Variants in INPP4B observed in about 807,000 individuals in gnomAD.
The protein encoded by INPP4B is inositol polyphosphate 4-phosphatase type II.
INPP4B carries 55 observed loss-of-function variants against 122.5 expected under a neutral mutation model. The observed-to-expected ratio is 0.45, with a 90% confidence interval of 0.36 to 0.56. The LOEUF (loss-of-function observed/expected upper bound fraction) is 0.56, where lower values mean the gene tolerates loss of function less well. Ranked by LOEUF, INPP4B falls within the 20% of genes least tolerant of loss-of-function variation. INPP4B has a pLI of 0.00. For missense variants in INPP4B, 1,000 were observed against 1,097.7 expected (o/e 0.91, Z 1.26); for synonymous variants, 403 against 388.7 (o/e 1.04, Z -0.43).
intron 2 of INPP4B, among the ~76,000 whole-genome samples, chr4:142,670,072 GC>G (rs1215281469): frequency 6.6e-6 from 1 of 152,152 alleles, no homozygotes; most frequent in Non-Finnish European, 1.5e-5. Flanking sequence ...GAAATCGCAT[GC>G]TTTGTATACA....
intron 2 of INPP4B, among the ~76,000 whole-genome samples, chr4:142,644,021 C>T (rs1016168171): frequency 7.2e-5 from 11 of 151,768 alleles, no homozygotes; most frequent in African/African-American, 1.2e-4. Context: ...GGCAACATTG[C>T]GTGATCCCAT....
chr4:142,178,334 C>G (rs555110071), intron 15 of INPP4B, among the ~76,000 whole-genome samples: 1 of 152,352 alleles, frequency 6.6e-6, no homozygotes, highest in South Asian at 2.1e-4. Flanking sequence ...ATTGTAATAG[C>G]TCACAAACTG....
At chr4:142,676,880 T>TA (rs201433611) in intron 2 of INPP4B, among the ~76,000 whole-genome samples, 11,537 of 151,838 alleles carry the variant, frequency 0.076, 478 homozygotes, top group South Asian at 0.11. Context: ...CCTAAAACCA[T>TA]AAAAAACCCT....
chr4:142,626,224 T>A (rs541217631), intron 2 of INPP4B, among the ~76,000 whole-genome samples: 1 of 152,166 alleles, frequency 6.6e-6, no homozygotes, highest in East Asian at 1.9e-4. Flanking sequence ...CTTTTGAACA[T>A]GAGCAGAACT....
In INPP4B at chr4:142,124,825, C is replaced by A. The variant is rs946160795; in HGVS notation, c.1721-65G>T. 10 of 1,156,688 alleles carry A rather than the reference C, an allele frequency of 8.6e-6. No individual in the cohort carries two copies. In the African/African-American group the frequency reaches 1.6e-4, roughly 18 times the overall value. The allele number at this position is 1,156,688 out of a possible 1,614,324, so 71.7% of individuals were successfully genotyped here. A position where few individuals can be genotyped will look rare whatever the true frequency, so the allele number is the denominator to read the frequency against. ...GAAGGTCTTGGAATATAATGCAGAA[C>A]CAACTTCCAACTTATTTTTAATTTT... On this transcript the variant is annotated intron_variant, in intron 18 of 25. Coordinates refer to ENST00000262992, the MANE Select transcript of INPP4B (RefSeq NM_001101669.3).
intron 2 of INPP4B, among the ~76,000 whole-genome samples, chr4:142,548,971 G>C (rs1206940980): frequency 6.6e-6 from 1 of 151,662 alleles, no homozygotes; most frequent in East Asian, 1.9e-4. Flanking sequence ...AAATGGGTAC[G>C]CTCTATTGCC....
At chr4:142,573,736 A>G (rs368875647) in intron 2 of INPP4B, among the ~76,000 whole-genome samples, 1 of 152,246 alleles carries the variant, frequency 6.6e-6, no homozygotes, top group East Asian at 1.9e-4. Flanking sequence ...GACCAAGTTT[A>G]GCTTAAGCAC....
At chr4:142,118,329 T>C (rs1794786084) in intron 21 of INPP4B, among the ~76,000 whole-genome samples, 1 of 151,860 alleles carries the variant, frequency 6.6e-6, no homozygotes, top group Non-Finnish European at 1.5e-5. Flanking sequence ...AGAGCACGCA[T>C]TGCCAAGACA....
chr4:142,066,324 T>C (rs1214092130), intron 25 of INPP4B, among the ~76,000 whole-genome samples: 1 of 152,198 alleles, frequency 6.6e-6, no homozygotes, highest in East Asian at 1.9e-4. Flanking sequence ...GTCTGGTAAG[T>C]ACATGTGAAT....
chr4:142,364,598 A>G (rs1447926537), intron 7 of INPP4B, among the ~76,000 whole-genome samples: 3 of 152,106 alleles, frequency 2.0e-5, no homozygotes, highest in Non-Finnish European at 2.9e-5. Flanking sequence ...TCAGTATTGC[A>G]ACTTGTACTT....
At chr4:142,478,194 T>C (rs576997639) in intron 2 of INPP4B, among the ~76,000 whole-genome samples, 21 of 152,190 alleles carry the variant, frequency 1.4e-4, no homozygotes, top group African/African-American at 5.1e-4. Context: ...ACTGAAGTTT[T>C]TTCGGTATAG....
At chr4:142,633,395 A>G (rs1358362674) in intron 2 of INPP4B, among the ~76,000 whole-genome samples, 1 of 152,188 alleles carries the variant, frequency 6.6e-6, no homozygotes, top group Non-Finnish European at 1.5e-5. Context: ...AATACCATTA[A>G]CTGAAAAATA....
chr4:142,313,476 C>A (rs1766325980), intron 8 of INPP4B, among the ~76,000 whole-genome samples: 1 of 152,090 alleles, frequency 6.6e-6, no homozygotes, highest in Admixed American at 6.6e-5. Flanking sequence ...GGAAGCAGGG[C>A]CCCAGGGTGG....
chr4:142,224,621 A>G (rs956706820), intron 12 of INPP4B, among the ~76,000 whole-genome samples: 1 of 152,052 alleles, frequency 6.6e-6, no homozygotes, highest in African/African-American at 2.4e-5. Context: ...GATTTTAAAG[A>G]CTCTTATCGG....
At chr4:142,644,282 G>C (rs971980385) in intron 2 of INPP4B, among the ~76,000 whole-genome samples, 1 of 147,806 alleles carries the variant, frequency 6.8e-6, no homozygotes. Context: ...AGGAGTGGGG[G>C]AGGAGGAGAA....
chr4:142,711,084 C>A (rs1192978613), intron 2 of INPP4B, among the ~76,000 whole-genome samples: 2 of 152,170 alleles, frequency 1.3e-5, no homozygotes, highest in African/African-American at 4.8e-5. Context: ...TTGTCTCTTG[C>A]CTAGATCTTT....
At chr4:142,751,214 T>C (rs1170953759) in intron 1 of INPP4B, among the ~76,000 whole-genome samples, 1 of 150,368 alleles carries the variant, frequency 6.7e-6, no homozygotes, top group African/African-American at 2.5e-5. Context: ...TATAAATGAA[T>C]TAATGGGCAA....
At chr4:142,826,773 T>C (rs1781514665) in intron 1 of INPP4B, among the ~76,000 whole-genome samples, 1 of 152,118 alleles carries the variant, frequency 6.6e-6, no homozygotes, top group Admixed American at 6.6e-5. Flanking sequence ...ACTCAACTCT[T>C]CAGCTTCTAA....
At chr4:142,175,753 A>G (rs1827851256) in intron 15 of INPP4B, among the ~76,000 whole-genome samples, 1 of 152,162 alleles carries the variant, frequency 6.6e-6, no homozygotes, top group African/African-American at 2.4e-5. Flanking sequence ...AAAAGAAATC[A>G]TGAACTCAGG....
Sources: gnomAD v4.1 joint callset for allele counts (sites outside exome capture counted in the v4.1 genomes callset) on GRCh38, gnomAD v4.1.1 for gene constraint, MANE v1.5 for transcripts, NCBI Gene and HGNC (gene_info 2026-07-23, HGNC 2026-07-21) for gene names.